ADK: variants seen among roughly 807,000 people sequenced by gnomAD.
The protein encoded by ADK is adenosine kinase.
ADK carries 24 observed loss-of-function variants against 44.7 expected under a neutral mutation model. The observed-to-expected ratio is 0.54, with a 90% confidence interval of 0.39 to 0.76. The LOEUF is 0.76. Ranked by LOEUF, ADK falls within the 30% of genes least tolerant of loss-of-function variation. ADK has a pLI of 0.00. For synonymous variants in ADK, 128 were observed against 142.6 expected (o/e 0.90, Z 0.73); for missense variants, 321 against 425.1 (o/e 0.76, Z 2.15).
At chr10:74,622,562 C>T (rs925850185) in intron 9 of ADK, among the ~76,000 whole-genome samples, 2 of 151,974 alleles carry the variant, frequency 1.3e-5, no homozygotes, top group East Asian at 1.9e-4. Flanking sequence ...ATACATAGCC[C>T]GAGAAAGTTA....
At chr10:74,285,037 A>G (rs1297012631) in intron 3 of ADK, among the ~76,000 whole-genome samples, 1 of 152,256 alleles carries the variant, frequency 6.6e-6, no homozygotes, top group Non-Finnish European at 1.5e-5. Flanking sequence ...TAGGCACTTC[A>G]TGTATTTATC....
At chr10:74,486,408 T>C (rs145411278) in intron 6 of ADK, among the ~76,000 whole-genome samples, 1 of 152,250 alleles carries the variant, frequency 6.6e-6, no homozygotes, top group East Asian at 1.9e-4. Context: ...CAACTGGATA[T>C]TGAGTCATCT....
chr10:74,498,677 T>C (rs1847781092), intron 6 of ADK, among the ~76,000 whole-genome samples: 1 of 151,950 alleles, frequency 6.6e-6, no homozygotes, highest in African/African-American at 2.4e-5. Flanking sequence ...CCCTCTCCCC[T>C]TCCCCCAGCC....
At chr10:74,665,936 T>A (rs1335129373) in intron 9 of ADK, among the ~76,000 whole-genome samples, 4 of 152,160 alleles carry the variant, frequency 2.6e-5, no homozygotes, top group African/African-American at 9.7e-5. Flanking sequence ...ACAGTAACAA[T>A]GTGGCATTTT....
chr10:74,658,076 C>A (rs1854556728), intron 9 of ADK, among the ~76,000 whole-genome samples: 1 of 152,116 alleles, frequency 6.6e-6, no homozygotes. Context: ...AAAGTTTGAA[C>A]AATAGGCTGG....
intron 1 of ADK, among the ~76,000 whole-genome samples, chr10:74,181,894 A>G (rs1302825928): frequency 1.3e-5 from 2 of 152,162 alleles, no homozygotes; most frequent in African/African-American, 2.4e-5. Context: ...AATGAGCCCT[A>G]TTCTTTGGTC....
At chr10:74,207,039 C>T (rs979619904) in intron 2 of ADK, among the ~76,000 whole-genome samples, 1 of 152,164 alleles carries the variant, frequency 6.6e-6, no homozygotes, top group African/African-American at 2.4e-5. Flanking sequence ...AGTGTGTGAG[C>T]AAGCGAATAT....
intron 6 of ADK, among the ~76,000 whole-genome samples, chr10:74,435,060 T>C (rs1156709045): frequency 2.0e-5 from 3 of 152,184 alleles, no homozygotes; most frequent in South Asian, 2.1e-4. Flanking sequence ...ACCAGAAAGA[T>C]GGTAGTAGTA....
rs572660084 is a variant in ADK at position 74,466,998 on chromosome 10, T to A, written c.556-58258T>A. Among the ~76,000 whole-genome samples, 97 of 152,280 alleles carry A rather than the reference T, an allele frequency of 6.4e-4. 4 individuals are homozygous for A. The highest frequency in any genetic ancestry group is 8.3e-4 in the South Asian group (4 of 4,826). Reference sequence around the variant, plus strand: ...GTATATATACATGTTTGTATTGCCATGTATATATGTATCTTAAATGACATA... The same window carrying A: ...GTATATATACATGTTTGTATTGCCAAGTATATATGTATCTTAAATGACATA... On this transcript the variant is annotated intron_variant, in intron 6 of 10. Coordinates refer to ENST00000539909, the MANE Select transcript of ADK (RefSeq NM_006721.4).
chr10:74,172,945 G>C (rs997333700), intron 1 of ADK, among the ~76,000 whole-genome samples: 2 of 150,198 alleles, frequency 1.3e-5, no homozygotes, highest in Non-Finnish European at 3.0e-5. Flanking sequence ...TATCAAAAAT[G>C]AGTTAAAAAA....
At chr10:74,339,006 G>A (rs1841500032) in intron 4 of ADK, among the ~76,000 whole-genome samples, 1 of 152,156 alleles carries the variant, frequency 6.6e-6, no homozygotes, top group South Asian at 2.1e-4. Context: ...AGGCTGGAGT[G>A]CAGTGGCACA....
rs79115262 is a variant in ADK at position 74,659,503 on chromosome 10, C to T, written c.878-10680C>T. ...GGTAGTCTGCAAGGTCAGAACCATG[C>T]CTTCAGAAGCAGCAATTTTAAGTGA... On this transcript the variant is annotated intron_variant, in intron 9 of 10. Coordinates refer to ENST00000539909, the MANE Select transcript of ADK (RefSeq NM_006721.4). 3.6e-3 allele frequency among the ~76,000 whole-genome samples: 549 copies of T among 152,280 alleles called. 6 individuals are homozygous for T. The highest frequency in any genetic ancestry group is 0.013 in the African/African-American group (520 of 41,544).
chr10:74,469,569 G>T (rs1846483744), intron 6 of ADK, among the ~76,000 whole-genome samples: 1 of 151,962 alleles, frequency 6.6e-6, no homozygotes, highest in Admixed American at 6.6e-5. Context: ...TTGCCATGTT[G>T]CCCAGGCTGT....
chr10:74,334,313 A>T (rs1410181402), intron 4 of ADK, among the ~76,000 whole-genome samples: 1 of 152,200 alleles, frequency 6.6e-6, no homozygotes, highest in Non-Finnish European at 1.5e-5. Context: ...AACTTGAGAC[A>T]TGAGATAACA....
intron 7 of ADK, among the ~76,000 whole-genome samples, chr10:74,537,690 A>G (rs1849501856): frequency 6.6e-6 from 1 of 152,222 alleles, no homozygotes; most frequent in South Asian, 2.1e-4. Flanking sequence ...AGGATTAAGT[A>G]CACTCAACTT....
At chr10:74,579,090 C>T (rs147310924) in intron 7 of ADK, among the ~76,000 whole-genome samples, 90 of 152,000 alleles carry the variant, frequency 5.9e-4, no homozygotes, top group African/African-American at 9.7e-4. Flanking sequence ...AGAAATTAGC[C>T]GGGTGTGGTG....
chr10:74,437,920 TCA>T (rs1386145241), intron 6 of ADK, among the ~76,000 whole-genome samples: 1 of 152,132 alleles, frequency 6.6e-6, no homozygotes, highest in African/African-American at 2.4e-5. Flanking sequence ...CCCTTTTCCT[TCA>T]AAAGTCCTTC....
chr10:74,602,156 G>A lies in ADK; in HGVS notation c.877+1663G>A, dbSNP rs1589288383. Among the ~76,000 whole-genome samples, 5 of 148,940 alleles carry A rather than the reference G, an allele frequency of 3.4e-5. 1 individual carries two copies. The highest frequency in any genetic ancestry group is 1.2e-4 in the African/African-American group (5 of 40,342). On this transcript the variant is annotated intron_variant, in intron 9 of 10. Coordinates refer to ENST00000539909, the MANE Select transcript of ADK (RefSeq NM_006721.4). ...AACGGAGGGCAATGGAGTCAAAGAG[G>A]ATCAAGTAAGCAAAGGCACAAGTAC...
At chr10:74,431,378 G>A (rs891044524) in intron 6 of ADK, among the ~76,000 whole-genome samples, 1 of 152,112 alleles carries the variant, frequency 6.6e-6, no homozygotes, top group African/African-American at 2.4e-5. Context: ...GTTTCTTTAG[G>A]CAAACTTGCA....
Sources: gnomAD v4.1 joint callset for allele counts (sites outside exome capture counted in the v4.1 genomes callset) on GRCh38, gnomAD v4.1.1 for gene constraint, MANE v1.5 for transcripts, NCBI Gene and HGNC (gene_info 2026-07-23, HGNC 2026-07-21) for gene names.